Variants in NAALADL2 observed in about 807,000 individuals in gnomAD.
The protein encoded by NAALADL2 is N-acetylated alpha-linked acidic dipeptidase like 2.
Under a neutral mutation model 87.2 loss-of-function variants are expected in NAALADL2, and 76 were observed. The ratio of observed to expected loss-of-function variants is 0.87; its 90% CI spans 0.72 to 1.05. The LOEUF is 1.05. Ranked by LOEUF, NAALADL2 falls within the 50% of genes least tolerant of loss-of-function variation. NAALADL2 has a pLI of 0.00. For missense variants in NAALADL2, 1,089 were observed against 945.8 expected (o/e 1.15, Z -1.99); for synonymous variants, 354 against 331.0 (o/e 1.07, Z -0.75).
At chr3:174,643,545 T>A (rs1304091565) in intron 2 of NAALADL2, among the ~76,000 whole-genome samples, 1 of 151,884 alleles carries the variant, frequency 6.6e-6, no homozygotes, top group Non-Finnish European at 1.5e-5. Context: ...TCCCAGCTAC[T>A]CGGGAGGCTG....
At chr3:174,672,861 A>G (rs1485267125) in intron 2 of NAALADL2, among the ~76,000 whole-genome samples, 1 of 152,062 alleles carries the variant, frequency 6.6e-6, no homozygotes, top group Non-Finnish European at 1.5e-5. Flanking sequence ...GTGAAAGCAA[A>G]GAAAGTCAGC....
At chr3:175,182,741 A>G (rs13093007) in intron 2 of NAALADL2, among the ~76,000 whole-genome samples, 9,818 of 151,460 alleles carry the variant, frequency 0.065, 752 homozygotes, top group African/African-American at 0.19. Flanking sequence ...TTAGTTTGAC[A>G]TAATACCATT....
At chr3:175,360,498 G>C (rs1230252769) in intron 5 of NAALADL2, among the ~76,000 whole-genome samples, 2 of 151,766 alleles carry the variant, frequency 1.3e-5, no homozygotes, top group Non-Finnish European at 2.9e-5. Context: ...CCTTCATGTT[G>C]GTGTCTTCAT....
intron 5 of NAALADL2, among the ~76,000 whole-genome samples, chr3:175,404,425 G>A (rs919142596): frequency 1.3e-5 from 2 of 152,050 alleles, no homozygotes; most frequent in Non-Finnish European, 1.5e-5. Flanking sequence ...ATTCCTGAAC[G>A]TCGAATAGCC....
intron 11 of NAALADL2, among the ~76,000 whole-genome samples, chr3:175,726,262 CA>C (rs58311186): frequency 0.16 from 20,774 of 131,248 alleles, 1,472 homozygotes; most frequent in Middle Eastern, 0.24. Flanking sequence ...TACATTTGAC[CA>C]AAAAAAAAAA....
rs539775226 is a variant in NAALADL2 at position 174,611,292 on chromosome 3, G to A, written c.-115+60655G>A. ...TAACTAACCTGCACATTGTGCACATGTACCCTAAAACTTAAAGTATAATAA... is the reference window on the plus strand; with the variant it reads ...TAACTAACCTGCACATTGTGCACATATACCCTAAAACTTAAAGTATAATAA... On this transcript the variant is annotated intron_variant, in intron 2 of 3. Transcript: ENST00000434257. Among the ~76,000 whole-genome samples, 337 of 151,844 alleles carry A rather than the reference G, an allele frequency of 2.2e-3. 2 individuals are homozygous for A. The highest frequency in any genetic ancestry group is 3.9e-3 in the Non-Finnish European group (267 of 67,956).
In NAALADL2 at chr3:175,808,060, G is replaced by C. The variant is rs1468903366; in HGVS notation, c.*4857G>C. 1 of 151,844 alleles carries C rather than the reference G, an allele frequency of 6.6e-6. No individual in the cohort carries two copies. The highest frequency in any genetic ancestry group is 1.5e-5 in the Non-Finnish European group (1 of 67,882). 9.4% of individuals were successfully genotyped at this position (151,844 alleles called of 1,614,324 possible). A position where few individuals can be genotyped will look rare whatever the true frequency, so the allele number is the denominator to read the frequency against. ...TGAGAAGTAATTTTAAGATCTATCAGTCTCAATTTAAATGATCTGTTAATC... is the reference window on the plus strand; with the variant it reads ...TGAGAAGTAATTTTAAGATCTATCACTCTCAATTTAAATGATCTGTTAATC... On this transcript the variant is annotated 3_prime_UTR_variant, in exon 14 of 14. Transcript: ENST00000454872.
chr3:174,876,766 T>C (rs1391017544), intron 1 of NAALADL2, among the ~76,000 whole-genome samples: 1 of 152,122 alleles, frequency 6.6e-6, no homozygotes, highest in Non-Finnish European at 1.5e-5. Flanking sequence ...AGATAGCCCA[T>C]AGAGGAGGAA....
At chr3:174,531,389 T>C (rs1721224917) in intron 1 of NAALADL2, among the ~76,000 whole-genome samples, 1 of 152,158 alleles carries the variant, frequency 6.6e-6, no homozygotes. Context: ...TCATGTAATC[T>C]TGTGAAGAGG....
rs1436431227 is a variant in NAALADL2 at position 175,467,198 on chromosome 3, T to C, written c.1533+14T>C. The C allele has an allele frequency of 6.3e-7, 1 of 1,592,884 alleles. No individual in the cohort carries two copies. Among genetic ancestry groups the C allele is most frequent in the Non-Finnish European group, 8.6e-7 (1 of 1,162,780 alleles). On this transcript the variant is annotated intron_variant, in intron 8 of 13. Coordinates refer to ENST00000454872, the MANE Select transcript of NAALADL2 (RefSeq NM_207015.3). ...GAATGGGGAGAGGTAAAGCAAAATA[T>C]ACATTAATTACAGTGCTTTTCTTTT...
intron 1 of NAALADL2, among the ~76,000 whole-genome samples, chr3:174,881,266 C>A (rs954809416): frequency 3.9e-5 from 6 of 152,048 alleles, no homozygotes; most frequent in Non-Finnish European, 7.4e-5. Flanking sequence ...ATTGCAATCT[C>A]CCTTCTCCAC....
chr3:174,659,791 G>T (rs867875873), intron 2 of NAALADL2, among the ~76,000 whole-genome samples: 29 of 152,112 alleles, frequency 1.9e-4, no homozygotes, highest in African/African-American at 5.3e-4. Context: ...TCATGTGGTC[G>T]TTTTTTAATA....
intron 2 of NAALADL2, among the ~76,000 whole-genome samples, chr3:175,113,424 T>G (rs1724542561): frequency 1.3e-5 from 2 of 151,588 alleles, no homozygotes; most frequent in Admixed American, 1.3e-4. Context: ...CAATTTTGAT[T>G]AAAACTAAAA....
intron 3 of NAALADL2, among the ~76,000 whole-genome samples, chr3:175,255,436 T>C (rs1267303938): frequency 6.6e-6 from 1 of 152,230 alleles, no homozygotes; most frequent in Non-Finnish European, 1.5e-5. Flanking sequence ...CCATCTTTAT[T>C]TTTTTCATGA....
At position 174,443,426 on chromosome 3, in the gene NAALADL2, G is replaced by A. The variant is rs1363612117; in HGVS notation, c.-184+2394G>A. Among the ~76,000 whole-genome samples, 2 of 152,226 alleles carry A rather than the reference G, an allele frequency of 1.3e-5. 1 individual carries two copies. ...ATGTAATTGCCTAAGCAACTGGAAA[G>A]ATAAGAGTTTCTGTTAACTGAGATT... is the stretch of plus-strand genomic sequence containing the variant. On this transcript the variant is annotated intron_variant, in intron 1 of 3. Coordinates refer to the NAALADL2 transcript ENST00000434257.
intron 2 of NAALADL2, among the ~76,000 whole-genome samples, chr3:174,620,994 A>G (rs1294818922): frequency 1.3e-5 from 2 of 152,082 alleles, no homozygotes; most frequent in Non-Finnish European, 2.9e-5. Context: ...ACCTTAGGTA[A>G]ACTGAATGTA....
At chr3:174,907,436 G>A (rs1456803510) in intron 1 of NAALADL2, among the ~76,000 whole-genome samples, 3 of 151,978 alleles carry the variant, frequency 2.0e-5, no homozygotes, top group Admixed American at 1.3e-4. Context: ...ATGTAGCCCA[G>A]GTCTTGAACA....
chr3:174,657,010 CCTCT>C (rs908341698), intron 2 of NAALADL2, among the ~76,000 whole-genome samples: 69 of 149,100 alleles, frequency 4.6e-4, no homozygotes, highest in South Asian at 8.7e-4. Context: ...TTTTTTCCTT[CCTCT>C]CTCTCTCTCT....
At chr3:175,578,534 A>G (rs534156934) in intron 10 of NAALADL2, among the ~76,000 whole-genome samples, 1 of 152,314 alleles carries the variant, frequency 6.6e-6, no homozygotes, top group East Asian at 1.9e-4. Context: ...TACCCCTTAT[A>G]TCATTTATTA....
Sources: allele counts gnomAD v4.1 joint callset (sites outside exome capture counted in the v4.1 genomes callset), GRCh38; gene constraint gnomAD v4.1.1; transcripts MANE v1.5; gene names NCBI Gene and HGNC (gene_info 2026-07-23, HGNC 2026-07-21).